Variants in DNAAF11 observed in about 807,000 individuals in gnomAD.
DNAAF11 encodes dynein axonemal assembly factor 11, also known as leucine rich repeat containing 6.
In DNAAF11, 45 loss-of-function variants were observed where a neutral mutation model predicts 60.8. The observed-to-expected ratio is 0.74, with a 90% CI of 0.58 to 0.95. The LOEUF is 0.95. DNAAF11 is among the 40% of genes least tolerant of loss of function. The probability of loss-of-function intolerance (pLI) is 0.00; values close to 1 mark genes in which losing one functional copy is unlikely to be tolerated. For synonymous variants in DNAAF11, 191 were observed against 183.5 expected (o/e 1.04, Z -0.33); for missense variants, 546 against 546.2 (o/e 1.00, Z 0.00).
intron 7 of DNAAF11, among the ~76,000 whole-genome samples, chr8:132,617,743 T>C (rs561550211): frequency 1.2e-3 from 181 of 151,998 alleles, no homozygotes; most frequent in Non-Finnish European, 1.9e-3. Flanking sequence ...TTACAAGGGA[T>C]GTGAAGGACC....
rs1814307580 is a variant in DNAAF11, at chr8:132,572,473, G to A, written c.1234C>T (p.His412Tyr). The change falls in exon 12 of 12, where the codon CAC becomes TAC. Residue 412 changes from histidine to tyrosine, a missense_variant. Physicochemically the swap from His to Tyr is moderately conservative, Grantham distance 83 (BLOSUM62 2). Coordinates refer to ENST00000620350, the MANE Select transcript of DNAAF11 (RefSeq NM_012472.6). ...SREQTNTRSKHMEKLEVDPSK... is the reference protein window; with the variant it reads ...SREQTNTRSKYMEKLEVDPSK... ...GGGTCTACTTCTAGTTTCTCCATGT[G>A]CTTGCTTCTATAACAACAAAAAAAG... 6.3e-7 allele frequency: 1 copy of A among 1,588,498 alleles called. No individual in the cohort carries two copies. Among genetic ancestry groups the A allele is most frequent in the Non-Finnish European group, 8.6e-7 (1 of 1,169,370 alleles).
chr8:132,695,719 T>C, the DNAAF11 span, among the ~76,000 whole-genome samples: 1 of 143,136 alleles, frequency 7.0e-6, no homozygotes, highest in East Asian at 2.1e-4. Context: ...GCTGTGGTTA[T>C]GAATTCAAAG....
intron 10 of DNAAF11, among the ~76,000 whole-genome samples, chr8:132,596,072 G>A (rs1182944497): frequency 6.6e-6 from 1 of 152,192 alleles, no homozygotes; most frequent in Non-Finnish European, 1.5e-5. Flanking sequence ...GAGCAGGTCT[G>A]CAGAAGGAAA....
the DNAAF11 span, among the ~76,000 whole-genome samples, chr8:132,702,633 C>T: frequency 6.6e-6 from 1 of 152,168 alleles, no homozygotes; most frequent in Non-Finnish European, 1.5e-5. Flanking sequence ...AGCTTATGAT[C>T]TAGCACTGTT....
chr8:132,637,328 G>A (rs759317205), intron 4 of DNAAF11, among the ~76,000 whole-genome samples: 40 of 152,316 alleles, frequency 2.6e-4, no homozygotes, highest in African/African-American at 6.0e-4. Context: ...TGAACCTGCC[G>A]GGCACGGTGG....
chr8:132,672,438 A>G (rs567447610), intron 1 of DNAAF11, among the ~76,000 whole-genome samples: 24 of 152,294 alleles, frequency 1.6e-4, no homozygotes, highest in African/African-American at 5.5e-4. Context: ...AATTTGCACC[A>G]TGACCTCTCC....
At chr8:132,671,532 C>A (rs1825188833) in intron 1 of DNAAF11, among the ~76,000 whole-genome samples, 1 of 152,082 alleles carries the variant, frequency 6.6e-6, no homozygotes, top group African/African-American at 2.4e-5. Context: ...TGACAAGATA[C>A]TACTGAAATT....
intron 11 of DNAAF11, among the ~76,000 whole-genome samples, chr8:132,574,453 A>G (rs1257800845): frequency 2.0e-5 from 3 of 152,230 alleles, no homozygotes; most frequent in Admixed American, 6.5e-5. Flanking sequence ...CCAGCACCCA[A>G]CAAAACCCTG....
chr8:132,584,892 G>A (rs1300398273), intron 10 of DNAAF11, among the ~76,000 whole-genome samples: 2 of 152,182 alleles, frequency 1.3e-5, no homozygotes, highest in African/African-American at 4.8e-5. Flanking sequence ...GCTCAGGCAT[G>A]TGTCTCGACT....
chr8:132,689,672 T>C, the DNAAF11 span, among the ~76,000 whole-genome samples: 1 of 151,828 alleles, frequency 6.6e-6, no homozygotes, highest in Non-Finnish European at 1.5e-5. Flanking sequence ...TTGACTCATA[T>C]ACATATATGT....
chr8:132,600,709 C>CTACATA (rs1284268708), intron 10 of DNAAF11, among the ~76,000 whole-genome samples: 1 of 152,194 alleles, frequency 6.6e-6, no homozygotes, highest in Non-Finnish European at 1.5e-5. Flanking sequence ...GCTGGGAAAA[C>CTACATA]TGGCTAGCCA....
intron 7 of DNAAF11, among the ~76,000 whole-genome samples, chr8:132,618,195 G>A: frequency 6.7e-6 from 1 of 149,870 alleles, no homozygotes; most frequent in Non-Finnish European, 1.5e-5. Context: ...AAGAAATGGG[G>A]AAAGGATTCC....
chr8:132,644,831 C>T (rs988355118), intron 3 of DNAAF11, among the ~76,000 whole-genome samples: 4 of 152,138 alleles, frequency 2.6e-5, no homozygotes, highest in Admixed American at 1.3e-4. Flanking sequence ...ACAAAGCAGC[C>T]GGGAAGCTCG....
intron 3 of DNAAF11, among the ~76,000 whole-genome samples, chr8:132,649,549 G>A (rs1356795126): frequency 2.0e-5 from 3 of 152,128 alleles, no homozygotes; most frequent in African/African-American, 7.2e-5. Context: ...CTTTTGCACA[G>A]CAAAAGAAAC....
In DNAAF11 at chr8:132,620,135, C is replaced by G. The variant is rs114045014; in HGVS notation, c.914+2476G>C. Among the ~76,000 whole-genome samples the G allele has an allele frequency of 6.6e-3, 999 of 152,094 alleles. 13 individuals are homozygous for G. The highest frequency in any genetic ancestry group is 0.023 in the African/African-American group (961 of 41,454). ...GAAAATACAGGAAGATTGCCAGAGT[C>G]CATCTGAGATCTGTGGTTATGAATT... On this transcript the variant is annotated intron_variant, in intron 7 of 11. Transcript: ENST00000620350.
chr8:132,654,372 GAAT>G (rs947638204), intron 3 of DNAAF11, among the ~76,000 whole-genome samples: 1 of 151,802 alleles, frequency 6.6e-6, no homozygotes, highest in Non-Finnish European at 1.5e-5. Context: ...AAAACAATTA[GAAT>G]ATCAGCAAGG....
At chr8:132,657,505 C>A (rs1823695738) in intron 2 of DNAAF11, among the ~76,000 whole-genome samples, 1 of 152,138 alleles carries the variant, frequency 6.6e-6, no homozygotes, top group Non-Finnish European at 1.5e-5. Context: ...TCTGCTCTAC[C>A]TGTAGACTTA....
chr8:132,627,223 T>C lies in DNAAF11; in HGVS notation c.654-1769A>G, dbSNP rs576814739. Among the ~76,000 whole-genome samples, 12 of 152,346 alleles carry C rather than the reference T, an allele frequency of 7.9e-5. No homozygotes were observed. In the East Asian group the frequency reaches 1.9e-3, roughly 24 times the overall value. The stretch of plus-strand genomic sequence containing the variant: ...CATTCTCATTTAACCATTTAAATTA[T>C]ATTTTTCCTGGAAAGTGACTAATTG... On this transcript the variant is annotated intron_variant, in intron 5 of 11. Coordinates refer to ENST00000620350, the MANE Select transcript of DNAAF11 (RefSeq NM_012472.6).
intron 10 of DNAAF11, among the ~76,000 whole-genome samples, chr8:132,596,337 A>G (rs1817016869): frequency 6.6e-6 from 1 of 152,232 alleles, no homozygotes; most frequent in African/African-American, 2.4e-5. Flanking sequence ...TTGAGTAACC[A>G]GAGAGCAAAT....
Sources: allele counts gnomAD v4.1 joint callset (sites outside exome capture counted in the v4.1 genomes callset), GRCh38; gene constraint gnomAD v4.1.1; transcripts MANE v1.5; gene names NCBI Gene and HGNC (gene_info 2026-07-23, HGNC 2026-07-21).